The following CPED1 variants were observed in gnomAD, a reference collection of about 807,000 sequenced individuals.
CPED1 encodes the protein cadherin like and PC-esterase domain containing 1, also known as cadherin-like and PC-esterase domain-containing protein 1.
In CPED1, 114 loss-of-function variants were observed where a neutral mutation model predicts 128.2. The ratio of observed to expected loss-of-function variants is 0.89; its 90% CI spans 0.76 to 1.04. The LOEUF (loss-of-function observed/expected upper bound fraction) is 1.04, where lower values mean the gene tolerates loss of function less well. CPED1 is among the 50% of genes least tolerant of loss of function. CPED1 has a pLI of 0.00. For synonymous variants in CPED1, 462 were observed against 426.7 expected, an observed-to-expected ratio of 1.08 and a Z score of -1.02; for missense variants, 1,211 against 1,207.1, an observed-to-expected ratio of 1.00 and a Z score of -0.05.
intron 16 of CPED1, among the ~76,000 whole-genome samples, chr7:121,180,207 A>C (rs1563056445): frequency 6.6e-6 from 1 of 152,024 alleles, no homozygotes; most frequent in Non-Finnish European, 1.5e-5. Context: ...ATGATTCTTA[A>C]AGTGACTCAT....
rs758414206 is a variant in CPED1 at position 121,124,335 on chromosome 7, A to G, written c.923A>G (p.Gln308Arg). Reference sequence around the variant, plus strand: ...AATCCTTTACTTTGTTCACAGCTGCAAACATTTTTTGAGACATTCCTGAGA... The same window carrying G: ...AATCCTTTACTTTGTTCACAGCTGCGAACATTTTTTGAGACATTCCTGAGA... Reference protein sequence around the residue: ...PKKKRFTVKLQTFFETFLRAS... With the variant: ...PKKKRFTVKLRTFFETFLRAS... Residue 308 changes from glutamine to arginine, a missense_variant, in exon 8 of 23, where the codon CAA becomes CGA. Transcript: ENST00000310396. 19 of 1,605,630 alleles carry G rather than the reference A, an allele frequency of 1.2e-5. 1 individual carries two copies. The South Asian group carries it at 2.1e-4, about 18-fold the overall frequency.
intron 5 of CPED1, among the ~76,000 whole-genome samples, chr7:121,093,570 C>T (rs116277467): frequency 4.5e-4 from 68 of 152,198 alleles, no homozygotes; most frequent in African/African-American, 1.5e-3. Context: ...TCCAGGGAGC[C>T]GTCCTCCACA....
At chr7:121,143,409 T>A (rs1259497730) in intron 16 of CPED1, among the ~76,000 whole-genome samples, 1 of 152,010 alleles carries the variant, frequency 6.6e-6, no homozygotes, top group East Asian at 1.9e-4. Flanking sequence ...GATATGGTTT[T>A]AATAGAATAG....
intron 16 of CPED1, among the ~76,000 whole-genome samples, chr7:121,235,937 C>A (rs1798244378): frequency 6.6e-6 from 1 of 152,026 alleles, no homozygotes; most frequent in South Asian, 2.1e-4. Flanking sequence ...TTTTAACACG[C>A]CCTAAATTGT....
chr7:121,198,935 C>T (rs1166893195), intron 16 of CPED1, among the ~76,000 whole-genome samples: 1 of 152,034 alleles, frequency 6.6e-6, no homozygotes, highest in Non-Finnish European at 1.5e-5. Context: ...CTGCTTTTTT[C>T]CCCTGCCCAC....
At chr7:121,101,913 T>A (rs1015997446) in intron 7 of CPED1, among the ~76,000 whole-genome samples, 2 of 152,068 alleles carry the variant, frequency 1.3e-5, no homozygotes, top group African/African-American at 2.4e-5. Context: ...ACCTCCAACA[T>A]TGGGGATCAT....
At chr7:121,167,824 C>T (rs1312043364) in intron 16 of CPED1, among the ~76,000 whole-genome samples, 20 of 148,944 alleles carry the variant, frequency 1.3e-4, no homozygotes, top group South Asian at 1.1e-3. Flanking sequence ...CTCTGCCTCC[C>T]GGGTTCACGC....
intron 5 of CPED1, among the ~76,000 whole-genome samples, chr7:121,088,908 G>A (rs2968344): frequency 0.88 from 134,469 of 151,968 alleles, 59,576 homozygotes; most frequent in Middle Eastern, 0.99. Context: ...TTACTCATAT[G>A]CAAGATATAA....
In CPED1 at chr7:121,046,884, T is replaced by C. The variant is rs1232893670; in HGVS notation, c.434-3T>C. ...TTTGTTTTGAATATTCTTTTGCTTT[T>C]AGGTGATCTGGGCTCTTGGGATCTG... On this transcript the variant is annotated splice_polypyrimidine_tract_variant and splice_region_variant and intron_variant, in intron 3 of 22. Transcript: ENST00000310396. The C allele has an allele frequency of 6.3e-7, 1 of 1,595,258 alleles. No homozygotes were observed. Among genetic ancestry groups the C allele is most frequent in the Non-Finnish European group, 8.6e-7 (1 of 1,166,588 alleles).
Position 121,244,342 on chromosome 7 carries a change from GGTT to G in CPED1, c.2310+5_2310+7del. The G allele has an allele frequency of 3.7e-6, 6 of 1,614,020 alleles. No individual in the cohort carries two copies. Among genetic ancestry groups the G allele is most frequent in the Non-Finnish European group, 5.1e-6 (6 of 1,179,966 alleles). On this transcript the variant is annotated splice_donor_5th_base_variant and intron_variant, in intron 18 of 22. Transcript: ENST00000310396. Reference sequence around the variant, plus strand: ...GCAGTGCCTGGGAGGAAGGAAGGTAGGTTCTGGATCTAGTGGGGGAAGCCTTTA... The same window carrying G: ...GCAGTGCCTGGGAGGAAGGAAGGTAGCTGGATCTAGTGGGGGAAGCCTTTA...
chr7:121,173,392 T>C (rs1796699610), intron 16 of CPED1, among the ~76,000 whole-genome samples: 1 of 152,098 alleles, frequency 6.6e-6, no homozygotes, highest in Non-Finnish European at 1.5e-5. Flanking sequence ...TTTTCTGCTC[T>C]TTTCCTGTCT....
chr7:121,189,763 TA>T (rs1472538281), intron 16 of CPED1, among the ~76,000 whole-genome samples: 18 of 41,302 alleles, frequency 4.4e-4, no homozygotes, highest in Non-Finnish European at 8.6e-4. Flanking sequence ...TGAGGTTTTA[TA>T]TATATATATA....
intron 2 of CPED1, chr7:120,993,907 T>G: frequency 7.3e-6 from 2 of 273,120 alleles, no homozygotes; most frequent in Non-Finnish European, 1.5e-5. Flanking sequence ...GCAGGTTGAG[T>G]TTTTTGGCTT....
intron 5 of CPED1, among the ~76,000 whole-genome samples, chr7:121,085,417 T>G (rs1221651086): frequency 6.6e-6 from 1 of 152,226 alleles, no homozygotes; most frequent in Admixed American, 6.5e-5. Flanking sequence ...AAAATCCTTC[T>G]TTATTATTTT....
intron 5 of CPED1, among the ~76,000 whole-genome samples, chr7:121,078,769 T>A (rs1459566751): frequency 6.6e-6 from 1 of 152,136 alleles, no homozygotes; most frequent in Non-Finnish European, 1.5e-5. Context: ...ACCAGGAGAA[T>A]AGCTCCTGTG....
chr7:121,069,210 A>G (rs1341544735), intron 5 of CPED1, among the ~76,000 whole-genome samples: 1 of 152,144 alleles, frequency 6.6e-6, no homozygotes, highest in Non-Finnish European at 1.5e-5. Flanking sequence ...GTCTCCAACA[A>G]TTTCAGAGAG....
rs564917833 is a variant in CPED1, at chr7:121,041,936, G to A, written c.434-4951G>A. On this transcript the variant is annotated intron_variant, in intron 3 of 22. Coordinates refer to ENST00000310396, the MANE Select transcript of CPED1 (RefSeq NM_024913.5). The stretch of plus-strand genomic sequence containing the variant: ...CACTATGAAGGCATGATAGTGATTC[G>A]TGTTATCAGCAGCTTTGCTTCCATG... Among the ~76,000 whole-genome samples, 7 of 152,142 alleles carry A rather than the reference G, an allele frequency of 4.6e-5. 1 individual carries two copies. The highest frequency in any genetic ancestry group is 2.1e-4 in the South Asian group (1 of 4,814).
intron 16 of CPED1, among the ~76,000 whole-genome samples, chr7:121,184,492 C>A (rs1431422963): frequency 6.6e-6 from 1 of 152,144 alleles, no homozygotes; most frequent in Non-Finnish European, 1.5e-5. Context: ...TTTAATCTTT[C>A]TTGCTAAACT....
intron 5 of CPED1, among the ~76,000 whole-genome samples, chr7:121,072,934 C>T (rs910056377): frequency 2.6e-5 from 4 of 152,064 alleles, no homozygotes; most frequent in African/African-American, 9.7e-5. Context: ...ACTATGTTTC[C>T]TCTGTGTTCT....
Sources: allele counts gnomAD v4.1 joint callset (sites outside exome capture counted in the v4.1 genomes callset), GRCh38; gene constraint gnomAD v4.1.1; transcripts MANE v1.5; gene names NCBI Gene and HGNC (gene_info 2026-07-23, HGNC 2026-07-21).